The following ZNF567 variants were observed in gnomAD, a reference collection of about 807,000 sequenced individuals.
The protein encoded by ZNF567 is zinc finger protein 567.
A neutral mutation model predicts 53.9 loss-of-function variants in ZNF567; 36 were observed. The observed-to-expected ratio is 0.67, with a 90% CI of 0.51 to 0.88. The LOEUF is 0.88. Among genes scored for constraint, ZNF567 ranks in the 40% least tolerant of loss-of-function variants. The pLI, the probability that ZNF567 is intolerant of heterozygous loss-of-function variation, is 0.00. For missense variants in ZNF567, 619 were observed against 764.7 expected (o/e 0.81, Z 2.25); for synonymous variants, 224 against 260.4 (o/e 0.86, Z 1.35).
chr19:36,713,003 A>G (rs1473186304), intron 5 of ZNF567, 136 bp downstream of exon 5: 13 of 680,180 alleles, frequency 1.9e-5, no homozygotes, highest in South Asian at 1.8e-4. Context: ...CTTCATGCCT[A>G]TAAAACTCAA....
the ZNF567 span, chr19:36,668,865 G>GT: frequency 6.6e-6 from 1 of 152,158 alleles, no homozygotes; most frequent in East Asian, 1.9e-4. Context: ...GAGAGAGAAA[G>GT]TAGAGTGAAA....
chr19:36,687,927 C>T (rs886203904), intron 1 of ZNF567, among the ~76,000 whole-genome samples: 1 of 152,160 alleles, frequency 6.6e-6, no homozygotes, highest in Non-Finnish European at 1.5e-5. Context: ...TCCCCTGGCT[C>T]CTGGAGCACG....
chr19:36,676,889 C>A, the ZNF567 span, among the ~76,000 whole-genome samples: 1 of 152,212 alleles, frequency 6.6e-6, no homozygotes, highest in East Asian at 1.9e-4. Flanking sequence ...GGCGCGGTGG[C>A]TCATGCCTGT....
At chr19:36,694,748 G>T in intron 2 of ZNF567, 54 bp from the exon 3 acceptor site, 1 of 850,454 alleles carries the variant, frequency 1.2e-6, no homozygotes, top group East Asian at 2.7e-5. Context: ...TATAAGAGCT[G>T]TGAGGCACAT....
downstream of ZNF567, among the ~76,000 whole-genome samples, chr19:36,721,982 A>G (rs2040309202): frequency 6.6e-6 from 1 of 151,928 alleles, no homozygotes; most frequent in African/African-American, 2.4e-5. Context: ...TGACTTCATG[A>G]TCCGCCTGCC....
intron 3 of ZNF567, among the ~76,000 whole-genome samples, chr19:36,698,862 T>G (rs1193485343): frequency 6.6e-6 from 1 of 152,160 alleles, no homozygotes; most frequent in Non-Finnish European, 1.5e-5. Context: ...TTTCTCCCAT[T>G]TTGTAGGTTG....
At chr19:36,677,897 G>A in the ZNF567 span, among the ~76,000 whole-genome samples, 1 of 152,102 alleles carries the variant, frequency 6.6e-6, no homozygotes, top group Non-Finnish European at 1.5e-5. Flanking sequence ...CATTTTTATA[G>A]CTGCAAACAC....
chr19:36,726,115 A>G (rs1172971576), downstream of ZNF567, among the ~76,000 whole-genome samples: 1 of 151,958 alleles, frequency 6.6e-6, no homozygotes, highest in Non-Finnish European at 1.5e-5. Flanking sequence ...TTTCAATTCT[A>G]TACTATTTGG....
intron 5 of ZNF567, among the ~76,000 whole-genome samples, chr19:36,714,733 A>G (rs933088664): frequency 2.6e-5 from 4 of 152,184 alleles, no homozygotes; most frequent in Admixed American, 2.6e-4. Context: ...CATTCCTGCA[A>G]TCAATCCTTT....
upstream of ZNF567, chr19:36,686,588 C>A (rs1405113496): frequency 6.6e-6 from 1 of 152,166 alleles, no homozygotes; most frequent in Non-Finnish European, 1.5e-5. Flanking sequence ...TGGAACCTGA[C>A]CTCTGAGAGT....
chr19:36,682,969 C>T (rs992166287), upstream of ZNF567, among the ~76,000 whole-genome samples: 6 of 151,890 alleles, frequency 4.0e-5, no homozygotes, highest in African/African-American at 1.2e-4. Flanking sequence ...CTCTCTCTCT[C>T]TTTGTGTGTG....
intron 3 of ZNF567, among the ~76,000 whole-genome samples, chr19:36,710,375 C>T (rs562792175): frequency 1.2e-4 from 16 of 137,158 alleles, no homozygotes; most frequent in African/African-American, 4.3e-4. Context: ...AGGTTTTATT[C>T]CCCCCACTCC....
chr19:36,717,781 A>G (rs368684472), intron 5 of ZNF567, among the ~76,000 whole-genome samples: 19 of 152,222 alleles, frequency 1.2e-4, no homozygotes, highest in African/African-American at 3.6e-4. Flanking sequence ...AGATTGTTCA[A>G]TCTACCATTT....
chr19:36,673,826 T>A, the ZNF567 span, among the ~76,000 whole-genome samples: 3 of 152,168 alleles, frequency 2.0e-5, no homozygotes, highest in African/African-American at 7.2e-5. Context: ...TTGATACCTT[T>A]CCCGGTAAAC....
chr19:36,694,773 C>CT (rs913480145), intron 2 of ZNF567, 29 bp from the exon 3 acceptor site: 36 of 1,289,652 alleles, frequency 2.8e-5, no homozygotes, highest in Admixed American at 2.5e-4. Context: ...TCTCATGTGG[C>CT]TTTTTTTGTC....
the ZNF567 span, among the ~76,000 whole-genome samples, chr19:36,679,495 G>A: frequency 4.6e-5 from 7 of 152,062 alleles, no homozygotes; most frequent in Non-Finnish European, 1.0e-4. Context: ...ACCCCACAAG[G>A]AATTGACATC....
At chr19:36,676,254 C>A in the ZNF567 span, among the ~76,000 whole-genome samples, 1 of 151,084 alleles carries the variant, frequency 6.6e-6, no homozygotes, top group African/African-American at 2.4e-5. Context: ...TTAGTTGAGA[C>A]GGGGTTTCAC....
chr19:36,712,186 AC>A (rs751422564), intron 3 of ZNF567, 199 bp from the exon 4 acceptor site: 118 of 453,006 alleles, frequency 2.6e-4, no homozygotes, highest in African/African-American at 2.1e-3. Flanking sequence ...AACTGGGATT[AC>A]AGGCGCACAC....
chr19:36,696,994 A>G (rs1449403980), intron 3 of ZNF567, among the ~76,000 whole-genome samples: 1 of 152,186 alleles, frequency 6.6e-6, no homozygotes, highest in African/African-American at 2.4e-5. Flanking sequence ...TTTATTCTTT[A>G]TAGCATCAGA....
Sources: allele counts gnomAD v4.1 joint callset (sites outside exome capture counted in the v4.1 genomes callset), GRCh38; gene constraint gnomAD v4.1.1; transcripts MANE v1.5; gene names NCBI Gene and HGNC (gene_info 2026-07-23, HGNC 2026-07-21).